Variants in FOXN1 observed in about 807,000 individuals in gnomAD.
FOXN1 encodes forkhead box protein N1.
FOXN1 carries 15 observed loss-of-function variants against 49.0 expected under a neutral mutation model. The observed-to-expected ratio is 0.31, with a 90% CI of 0.20 to 0.47. FOXN1 has a LOEUF of 0.47. Among genes scored for constraint, FOXN1 ranks in the 20% least tolerant of loss-of-function variants. The pLI is 1.00. For missense variants in FOXN1, 800 were observed against 842.8 expected (o/e 0.95, Z 0.63); for synonymous variants, 356 against 369.0 (o/e 0.96, Z 0.40).
chr17:28,507,678 G>T (rs868960424), intron 1 of FOXN1, among the ~76,000 whole-genome samples: 4 of 152,126 alleles, frequency 2.6e-5, no homozygotes, highest in African/African-American at 9.7e-5. Flanking sequence ...TCTTCCTCCC[G>T]CACTGAGGAA....
chr17:28,511,585 C>T (rs1329751962), intron 1 of FOXN1, among the ~76,000 whole-genome samples: 1 of 152,162 alleles, frequency 6.6e-6, no homozygotes, highest in East Asian at 1.9e-4. Flanking sequence ...GGGCACCAGA[C>T]AAGCTGGTGC....
At chr17:28,518,671 A>G (rs2069579933) in intron 1 of FOXN1, among the ~76,000 whole-genome samples, 2 of 152,148 alleles carry the variant, frequency 1.3e-5, no homozygotes, top group South Asian at 4.1e-4. Flanking sequence ...CCGCTCCCCA[A>G]GGATCATGGC....
rs2151498604 is a variant in FOXN1 at position 28,534,762 on chromosome 17, G to C, written c.1191G>C (p.Leu397=). The change falls in exon 8 of 9, where the codon CTG becomes CTC. Residue 397 remains leucine (L), a synonymous_variant. Transcript: ENST00000579795. This position sits in a 1 kb window ranked among gnomAD's most constrained non-coding sequence, Gnocchi z 4.1. ...DKREKLGSPL[L]GCPPPGLSGS... ...GAGAAAAGCTGGGCTCCCCACTCCT[G>C]GGCTGTCCGCCCCCTGGGCTGTCCG... 1 of 1,613,520 alleles carries C rather than the reference G, an allele frequency of 6.2e-7. No homozygotes were observed. Among genetic ancestry groups the C allele is most frequent in the Non-Finnish European group, 8.5e-7 (1 of 1,179,706 alleles).
rs2070105525 is a variant in FOXN1, at chr17:28,537,657, CAGGG to C, written c.*222_*225del. 1.6e-6 allele frequency: 1 copy of C among 617,840 alleles called. No homozygotes were observed. Among genetic ancestry groups the C allele is most frequent in the Non-Finnish European group, 2.9e-6 (1 of 341,958 alleles). 38.3% of individuals were successfully genotyped at this position (617,840 alleles called of 1,614,324 possible). ...CCACGTGGTGGCCCAGCTCCTCACC[CAGGG>C]CCCCCAAAGAGCAAGCGTCTGGGCA... On this transcript the variant is annotated 3_prime_UTR_variant, in exon 9 of 9. Transcript: ENST00000579795.
At chr17:28,531,857 T>C (rs149386698) in intron 6 of FOXN1, among the ~76,000 whole-genome samples, 1 of 152,256 alleles carries the variant, frequency 6.6e-6, no homozygotes, top group Non-Finnish European at 1.5e-5. Context: ...AATAAGTTTA[T>C]CCTGCTGGGC....
At chr17:28,521,870 T>C (rs1160497127) in intron 1 of FOXN1, among the ~76,000 whole-genome samples, 1 of 152,240 alleles carries the variant, frequency 6.6e-6, no homozygotes, top group Non-Finnish European at 1.5e-5. Flanking sequence ...ACGGGGCCAA[T>C]GAGGCCACCT....
intron 8 of FOXN1, among the ~76,000 whole-genome samples, chr17:28,536,541 C>T (rs977427606): frequency 1.3e-5 from 2 of 152,184 alleles, no homozygotes; most frequent in Non-Finnish European, 2.9e-5. Flanking sequence ...CTCTCCAGAG[C>T]TTGCAGCCTG....
rs561275295 is a variant in FOXN1 at position 28,532,271 on chromosome 17, T to G, written c.927+1426T>G. Reference sequence around the variant, plus strand: ...AGGAGTGAAGAGGTCTAACAGCTTTTTGTTCCCTTTGGTTCTAGTTGTTGC... The same window carrying G: ...AGGAGTGAAGAGGTCTAACAGCTTTGTGTTCCCTTTGGTTCTAGTTGTTGC... On this transcript the variant is annotated intron_variant, in intron 6 of 8. Transcript: ENST00000579795. 3.9e-5 allele frequency among the ~76,000 whole-genome samples: 6 copies of G among 152,346 alleles called. No individual in the cohort carries two copies. The South Asian group carries it at 1.2e-3, about 32-fold the overall frequency.
intron 1 of FOXN1, among the ~76,000 whole-genome samples, chr17:28,518,458 G>A (rs1401158801): frequency 2.6e-5 from 4 of 152,240 alleles, no homozygotes; most frequent in Non-Finnish European, 4.4e-5. Context: ...ATGTTGATGG[G>A]TAGAGCGGGC....
chr17:28,534,526 A>G lies in FOXN1; in HGVS notation c.1123A>G (p.Met375Val). 6.2e-7 allele frequency: 1 copy of G among 1,613,444 alleles called. No homozygotes were observed. Among genetic ancestry groups the G allele is most frequent in the Non-Finnish European group, 8.5e-7 (1 of 1,179,946 alleles). ...AGATCCCATTGCTGTGCGCAAAAGC[A>G]TGGCCAAGCCAGGTGAGGCCGGCCG... is the stretch of plus-strand genomic sequence containing the variant. ...RKDPIAVRKS[M>V]AKPEELDSLI... Residue 375 changes from methionine to valine, a missense_variant, in exon 7 of 9, where the codon ATG becomes GTG. This residue lies in a region of FOXN1 where 344 missense variants were observed against 366.1 expected (regional missense o/e 0.94). Transcript: ENST00000579795. This position sits in a 1 kb window ranked among gnomAD's most constrained non-coding sequence, Gnocchi z 4.1.
At chr17:28,533,904 C>T (rs2069982139) in intron 6 of FOXN1, among the ~76,000 whole-genome samples, 1 of 152,146 alleles carries the variant, frequency 6.6e-6, no homozygotes, top group South Asian at 2.1e-4. Flanking sequence ...TGTCTAAAGC[C>T]AGCCACAAGA....
In FOXN1 at chr17:28,537,725, A is replaced by G. The variant is rs1262692781; in HGVS notation, c.*289A>G. On this transcript the variant is annotated 3_prime_UTR_variant, in exon 9 of 9. Coordinates refer to ENST00000579795, the MANE Select transcript of FOXN1 (RefSeq NM_001369369.1). Reference sequence around the variant, plus strand: ...CTGTCCCTAGCTCACACTCATCCACACTTAAGCCCTCGTGCACACACACAA... The same window carrying G: ...CTGTCCCTAGCTCACACTCATCCACGCTTAAGCCCTCGTGCACACACACAA... 1 of 545,226 alleles carries G rather than the reference A, an allele frequency of 1.8e-6. No individual in the cohort carries two copies. Among genetic ancestry groups the G allele is most frequent in the Non-Finnish European group, 3.3e-6 (1 of 300,492 alleles). The allele number at this position is 545,226 out of a possible 1,614,324, so 33.8% of individuals were successfully genotyped here.
At chr17:28,530,610 C>T (rs1567883340) in intron 5 of FOXN1, 139 bp from the exon 6 acceptor site, 2 of 684,604 alleles carry the variant, frequency 2.9e-6, no homozygotes, top group African/African-American at 1.8e-5. Context: ...GACTTCCGTG[C>T]TCACTTCAAT....
At chr17:28,523,365 A>C (rs909386205) in intron 1 of FOXN1, among the ~76,000 whole-genome samples, 4 of 152,196 alleles carry the variant, frequency 2.6e-5, no homozygotes, top group African/African-American at 9.6e-5. Flanking sequence ...GTCCCCAGTT[A>C]CACACTGTGG....
chr17:28,508,349 G>A (rs994342953), intron 1 of FOXN1, among the ~76,000 whole-genome samples: 2 of 152,222 alleles, frequency 1.3e-5, no homozygotes, highest in Admixed American at 6.5e-5. Context: ...TCGCGAGAAG[G>A]CTTAGGAAAG....
At chr17:28,511,242 T>A (rs2069390620) in intron 1 of FOXN1, among the ~76,000 whole-genome samples, 1 of 152,232 alleles carries the variant, frequency 6.6e-6, no homozygotes, top group African/African-American at 2.4e-5. Context: ...TGCACCAGTA[T>A]GTATTTGCCT....
At chr17:28,531,712 A>C (rs1955688414) in intron 6 of FOXN1, among the ~76,000 whole-genome samples, 1 of 151,940 alleles carries the variant, frequency 6.6e-6, no homozygotes, top group African/African-American at 2.4e-5. Context: ...GTAGACACAA[A>C]TCTCATCTGT....
chr17:28,530,737 C>G lies in FOXN1; in HGVS notation c.831-12C>G, dbSNP rs745868096. 3 of 1,547,418 alleles carry G rather than the reference C, an allele frequency of 1.9e-6. No individual in the cohort carries two copies. The Admixed American group carries it at 5.0e-5, about 26-fold the overall frequency. Reference sequence around the variant, plus strand: ...AGAGGTTCGGACTCTCAGGGGCTTTCTCTTTCTTCAGCATCCTCATCTTCA... The same window carrying G: ...AGAGGTTCGGACTCTCAGGGGCTTTGTCTTTCTTCAGCATCCTCATCTTCA... On this transcript the variant is annotated splice_polypyrimidine_tract_variant and intron_variant, in intron 5 of 8. Transcript: ENST00000579795.
rs1271405415 is a variant in FOXN1, at chr17:28,537,406, C to T, written c.1917C>T (p.Ser639=). ...TAPAGPSVYL[S]PSSKPVALA is the part of the protein sequence containing the mutation. ...CTGCAGGCCCCTCTGTGTACCTCAG[C>T]CCCAGCTCCAAGCCCGTGGCCCTGG... Residue 639 remains serine (S), a synonymous_variant, in exon 9 of 9, where the codon AGC becomes AGT. Transcript: ENST00000579795. The T allele has an allele frequency of 6.2e-7, 1 of 1,613,020 alleles. No homozygotes were observed.
Sources: allele counts gnomAD v4.1 joint callset (sites outside exome capture counted in the v4.1 genomes callset), GRCh38; gene constraint gnomAD v4.1.1; regional missense constraint gnomAD v4.1.1; non-coding constraint Gnocchi (gnomAD v3.1); transcripts MANE v1.5; gene names NCBI Gene and HGNC (gene_info 2026-07-23, HGNC 2026-07-21).